The following ACTR3 variants were observed in gnomAD, a reference collection of about 807,000 sequenced individuals.
The protein encoded by ACTR3 is actin-related protein 3.
In ACTR3, 12 loss-of-function variants were observed where a neutral mutation model predicts 56.8. That is an observed-to-expected ratio of 0.21 (90% CI 0.14 to 0.34). ACTR3 has a LOEUF of 0.34. ACTR3 is among the 10% of genes least tolerant of loss of function. ACTR3 has a pLI of 1.00. For synonymous variants in ACTR3, 162 were observed against 167.4 expected, an observed-to-expected ratio of 0.97 and a Z score of 0.25; for missense variants, 282 against 512.5, an observed-to-expected ratio of 0.55 and a Z score of 4.34.
intron 3 of ACTR3, among the ~76,000 whole-genome samples, chr2:113,920,094 T>C (rs1679479744): frequency 6.6e-6 from 1 of 152,160 alleles, no homozygotes; most frequent in Admixed American, 6.5e-5. Context: ...GGACTAATTT[T>C]TGTGTTTTTA....
At chr2:113,949,996 A>T (rs900375923) in intron 8 of ACTR3, among the ~76,000 whole-genome samples, 1 of 152,198 alleles carries the variant, frequency 6.6e-6, no homozygotes. Context: ...GATGTTTGTT[A>T]TTCAAAGTAG....
At position 113,951,878 on chromosome 2, in the gene ACTR3, A is replaced by AG. The variant is rs1204601287; in HGVS notation, c.1077+36dup. On this transcript the variant is annotated intron_variant, in intron 10 of 11. Transcript: ENST00000263238. The stretch of plus-strand genomic sequence containing the variant: ...TTCCCAATTATTGGTGAGAAGGTTG[A>AG]GGGTGCCTTCCTTGATTAGGATGAG... 4 of 1,609,780 alleles carry AG rather than the reference A, an allele frequency of 2.5e-6. No individual in the cohort carries two copies. The South Asian group carries it at 4.4e-5, about 18-fold the overall frequency.
intron 6 of ACTR3, among the ~76,000 whole-genome samples, chr2:113,935,035 CTT>C (rs74265859): frequency 2.8e-5 from 4 of 142,908 alleles, no homozygotes; most frequent in Non-Finnish European, 1.5e-5. Context: ...TTATTTTGAA[CTT>C]TTTTTTTTTT....
In ACTR3 at chr2:113,959,342, T is replaced by C. The variant is rs1227755261; in HGVS notation, c.*1887T>C. ...GATAAAGAACTATATTGATAAGCAG[T>C]AAAGATGTCATGCTCCTGGCCCAAT... On this transcript the variant is annotated 3_prime_UTR_variant, in exon 12 of 12. Transcript: ENST00000263238. The C allele has an allele frequency of 6.6e-6, 1 of 152,036 alleles. No homozygotes were observed. Among genetic ancestry groups the C allele is most frequent in the Non-Finnish European group, 1.5e-5 (1 of 67,918 alleles). 9.4% of individuals were successfully genotyped at this position (152,036 alleles called of 1,614,324 possible).
At chr2:113,944,241 A>G (rs1237972348) in intron 8 of ACTR3, among the ~76,000 whole-genome samples, 2 of 152,158 alleles carry the variant, frequency 1.3e-5, no homozygotes, top group Non-Finnish European at 1.5e-5. Flanking sequence ...CAGTCTGGAC[A>G]TTCTGAGAGA....
chr2:113,915,553 T>C (rs1679389607), intron 2 of ACTR3, among the ~76,000 whole-genome samples: 1 of 152,248 alleles, frequency 6.6e-6, no homozygotes, highest in South Asian at 2.1e-4. Flanking sequence ...CTGATGACTT[T>C]TAATCTTTTG....
At chr2:113,913,673 A>G (rs570762605) in intron 2 of ACTR3, among the ~76,000 whole-genome samples, 3 of 152,326 alleles carry the variant, frequency 2.0e-5, no homozygotes, top group South Asian at 2.1e-4. Context: ...TGGAAGGACA[A>G]TATCTCACTA....
intron 8 of ACTR3, among the ~76,000 whole-genome samples, chr2:113,946,968 C>T (rs1553497829): frequency 6.6e-6 from 1 of 152,130 alleles, no homozygotes; most frequent in Non-Finnish European, 1.5e-5. Context: ...TTTTTGCCCC[C>T]TGATTCATCC....
rs1203733938 is a variant in ACTR3, at chr2:113,961,147, C to T, written c.*3692C>T. On this transcript the variant is annotated 3_prime_UTR_variant, in exon 12 of 12. Transcript: ENST00000263238. ...GCTTCAGTACTGTATAAATGTTTATCCTTTTCCACGTAATTTGTTTTCTAT... is the reference window on the plus strand; with the variant it reads ...GCTTCAGTACTGTATAAATGTTTATTCTTTTCCACGTAATTTGTTTTCTAT... 1 of 151,916 alleles carries T rather than the reference C, an allele frequency of 6.6e-6. No homozygotes were observed. The highest frequency in any genetic ancestry group is 1.9e-4 in the East Asian group (1 of 5,196). The allele number at this position is 151,916 out of a possible 1,614,324, so 9.4% of individuals were successfully genotyped here.
intron 2 of ACTR3, among the ~76,000 whole-genome samples, chr2:113,916,206 T>C (rs1223474149): frequency 2.0e-5 from 3 of 152,184 alleles, no homozygotes; most frequent in African/African-American, 4.8e-5. Context: ...CAGACAATTA[T>C]TTTGAATGAA....
At chr2:113,909,523 AT>A (rs1425457758) in intron 1 of ACTR3, among the ~76,000 whole-genome samples, 2 of 152,138 alleles carry the variant, frequency 1.3e-5, no homozygotes, top group Admixed American at 1.3e-4. Context: ...TGAAATGAAG[AT>A]TAGTCAAAAG....
At chr2:113,930,572 G>A (rs1272211819) in intron 4 of ACTR3, among the ~76,000 whole-genome samples, 4 of 152,088 alleles carry the variant, frequency 2.6e-5, no homozygotes, top group Non-Finnish European at 5.9e-5. Context: ...AGAATCAGAG[G>A]TCTTACCCAG....
chr2:113,931,442 T>G, intron 5 of ACTR3, 46 bp downstream of exon 5: 1 of 1,336,438 alleles, frequency 7.5e-7, no homozygotes, highest in African/African-American at 1.5e-5. Flanking sequence ...CATTTTAACC[T>G]AGTTTAATTT....
At chr2:113,890,345 G>A (rs1182847839) in intron 1 of ACTR3, 22 bp downstream of exon 1, 2 of 1,499,882 alleles carry the variant, frequency 1.3e-6, no homozygotes, top group East Asian at 2.6e-5. Context: ...TACGGGCGGG[G>A]GTGGGGAAAC....
At chr2:113,890,453 C>T (rs905879736) in intron 1 of ACTR3, 130 bp downstream of exon 1, 50 of 1,279,642 alleles carry the variant, frequency 3.9e-5, no homozygotes, top group East Asian at 1.8e-4. Context: ...GACCCGCCGG[C>T]CAGCGAGGGG....
chr2:113,920,935 G>T (rs1211711102), intron 3 of ACTR3, among the ~76,000 whole-genome samples: 1 of 152,130 alleles, frequency 6.6e-6, no homozygotes, highest in Admixed American at 6.5e-5. Context: ...AAACATGAGG[G>T]TGCAGGTATC....
At chr2:113,949,235 G>A (rs1039296506) in intron 8 of ACTR3, among the ~76,000 whole-genome samples, 7 of 151,132 alleles carry the variant, frequency 4.6e-5, no homozygotes, top group African/African-American at 9.7e-5. Flanking sequence ...AAAATTAGCC[G>A]GGCGTGGTGG....
At chr2:113,910,907 T>A (rs17045816) in intron 1 of ACTR3, among the ~76,000 whole-genome samples, 1,880 of 152,324 alleles carry the variant, frequency 0.012, 38 homozygotes, top group African/African-American at 0.043. Context: ...GAGAGATTAA[T>A]ATGTGGGATC....
intron 3 of ACTR3, among the ~76,000 whole-genome samples, chr2:113,925,608 T>C (rs1322902298): frequency 6.6e-6 from 1 of 152,256 alleles, no homozygotes; most frequent in Non-Finnish European, 1.5e-5. Context: ...TTTGTGCCAG[T>C]GGCTTACAGT....
Sources: gnomAD v4.1 joint callset for allele counts (sites outside exome capture counted in the v4.1 genomes callset) on GRCh38, gnomAD v4.1.1 for gene constraint, MANE v1.5 for transcripts, NCBI Gene and HGNC (gene_info 2026-07-23, HGNC 2026-07-21) for gene names.